Variants in EPHA6 observed in about 807,000 individuals in gnomAD.
EPHA6 encodes the protein EPH receptor A6.
EPHA6 carries 50 observed loss-of-function variants against 112.0 expected under a neutral mutation model. That is an observed-to-expected ratio of 0.45 (90% CI 0.36 to 0.56). The LOEUF (loss-of-function observed/expected upper bound fraction) is 0.56. EPHA6 is among the 20% of genes least tolerant of loss of function. The probability of loss-of-function intolerance (pLI) is 0.00; values close to 1 mark genes in which losing one functional copy is unlikely to be tolerated. For missense variants in EPHA6, 1,280 were observed against 1,417.4 expected (o/e 0.90, Z 1.56); for synonymous variants, 529 against 490.7 (o/e 1.08, Z -1.03).
At chr3:97,396,395 A>G (rs2086696357) in intron 5 of EPHA6, among the ~76,000 whole-genome samples, 1 of 150,288 alleles carries the variant, frequency 6.7e-6, no homozygotes, top group Non-Finnish European at 1.5e-5. Flanking sequence ...TATAACCCAT[A>G]TCATAAGTAT....
intron 10 of EPHA6, among the ~76,000 whole-genome samples, chr3:97,514,281 T>G (rs1274620768): frequency 6.6e-6 from 1 of 152,124 alleles, no homozygotes; most frequent in Non-Finnish European, 1.5e-5. Context: ...AAGTCATCAG[T>G]ATAGTATCTT....
chr3:97,507,692 G>A (rs566347367), intron 10 of EPHA6, among the ~76,000 whole-genome samples: 1 of 152,246 alleles, frequency 6.6e-6, no homozygotes, highest in East Asian at 1.9e-4. Flanking sequence ...ACTTAGGGAG[G>A]AGTCCCTCTT....
rs1441600234 is a variant in EPHA6 at position 97,498,606 on chromosome 3, G to GGATCCC, written c.2200+14547_2200+14548insGATCCC. Among the ~76,000 whole-genome samples, 166 of 152,300 alleles carry GGATCCC rather than the reference G, an allele frequency of 1.1e-3. 2 individuals carry two copies. The highest frequency in any genetic ancestry group is 2.2e-3 in the Non-Finnish European group (147 of 68,014). ...GCCTGGTAAGGGTCACTTGTTGGTT[G>GGATCCC]ATGGAACAAATGTTTATAGTACTGG... On this transcript the variant is annotated intron_variant, in intron 10 of 17. Transcript: ENST00000389672.
At chr3:97,725,465 T>G (rs1419571047) in intron 15 of EPHA6, among the ~76,000 whole-genome samples, 2 of 152,144 alleles carry the variant, frequency 1.3e-5, no homozygotes, top group Non-Finnish European at 2.9e-5. Flanking sequence ...CCCAAAGCAA[T>G]GCAGTTGTGC....
At chr3:96,817,190 C>T (rs545297225) in intron 1 of EPHA6, among the ~76,000 whole-genome samples, 2 of 151,910 alleles carry the variant, frequency 1.3e-5, no homozygotes, top group South Asian at 2.1e-4. Flanking sequence ...TTTTATCAGA[C>T]ACAAATTATT....
At chr3:97,518,213 A>G (rs183302392) in intron 10 of EPHA6, among the ~76,000 whole-genome samples, 33 of 152,296 alleles carry the variant, frequency 2.2e-4, no homozygotes, top group Non-Finnish European at 3.8e-4. Context: ...CCAACAGTGC[A>G]CAAGGTTTTC....
intron 5 of EPHA6, among the ~76,000 whole-genome samples, chr3:97,390,152 GAC>G (rs1310865848): frequency 6.6e-6 from 1 of 152,102 alleles, no homozygotes; most frequent in African/African-American, 2.4e-5. Flanking sequence ...CTACTTGTCT[GAC>G]ACAAAGACTA....
chr3:97,694,332 G>A (rs765133093), intron 14 of EPHA6, among the ~76,000 whole-genome samples: 4 of 151,908 alleles, frequency 2.6e-5, no homozygotes, highest in South Asian at 2.1e-4. Context: ...TGCCTCCCAG[G>A]TTCCAGCAAT....
chr3:97,497,985 G>T (rs2092023310), intron 10 of EPHA6, among the ~76,000 whole-genome samples: 1 of 152,018 alleles, frequency 6.6e-6, no homozygotes, highest in African/African-American at 2.4e-5. Context: ...ACAAGTCTCA[G>T]GTTTTTTACC....
At chr3:96,998,796 G>A (rs2043519826) in intron 3 of EPHA6, among the ~76,000 whole-genome samples, 1 of 151,654 alleles carries the variant, frequency 6.6e-6, no homozygotes, top group South Asian at 2.1e-4. Flanking sequence ...CTTTTATTCT[G>A]TATTTCTAGA....
intron 3 of EPHA6, among the ~76,000 whole-genome samples, chr3:97,000,909 A>G (rs1238022544): frequency 6.6e-6 from 1 of 151,024 alleles, no homozygotes; most frequent in Non-Finnish European, 1.5e-5. Context: ...ACATTTCTTT[A>G]CAGCCTTCCT....
At chr3:97,053,639 A>G (rs1033887644) in intron 3 of EPHA6, among the ~76,000 whole-genome samples, 1 of 152,100 alleles carries the variant, frequency 6.6e-6, no homozygotes, top group African/African-American at 2.4e-5. Context: ...AATATGAGCC[A>G]CTGAGTCCTA....
At chr3:97,106,610 C>A (rs941755608) in intron 3 of EPHA6, among the ~76,000 whole-genome samples, 1 of 152,030 alleles carries the variant, frequency 6.6e-6, no homozygotes, top group African/African-American at 2.4e-5. Flanking sequence ...CTAATTCTTC[C>A]GGTACACCAA....
At chr3:96,847,017 G>A (rs2035110648) in intron 1 of EPHA6, among the ~76,000 whole-genome samples, 1 of 152,142 alleles carries the variant, frequency 6.6e-6, no homozygotes, top group South Asian at 2.1e-4. Flanking sequence ...CCTGGATGCT[G>A]GTTGAGCTCT....
chr3:97,108,045 C>G (rs1166506101), intron 3 of EPHA6, among the ~76,000 whole-genome samples: 1 of 152,076 alleles, frequency 6.6e-6, no homozygotes, highest in East Asian at 1.9e-4. Context: ...GTTTGGCCTC[C>G]TTCAAAACAT....
chr3:97,037,740 A>G (rs1316321518), intron 3 of EPHA6, among the ~76,000 whole-genome samples: 1 of 152,092 alleles, frequency 6.6e-6, no homozygotes, highest in East Asian at 1.9e-4. Context: ...GACACGTCAT[A>G]CTGGACAGAA....
intron 6 of EPHA6, among the ~76,000 whole-genome samples, chr3:97,428,660 C>T (rs2089308442): frequency 6.6e-6 from 1 of 152,082 alleles, no homozygotes; most frequent in East Asian, 1.9e-4. Context: ...CCCTCAGTGG[C>T]GACGAGGAGA....
intron 14 of EPHA6, among the ~76,000 whole-genome samples, chr3:97,713,577 G>C (rs527609000): frequency 1.8e-4 from 27 of 152,210 alleles, no homozygotes; most frequent in Admixed American, 9.2e-4. Context: ...GGGTAAGAGT[G>C]TTTTTAATCT....
intron 14 of EPHA6, among the ~76,000 whole-genome samples, chr3:97,676,511 CTCTT>C (rs1480364075): frequency 6.6e-6 from 1 of 152,124 alleles, no homozygotes; most frequent in African/African-American, 2.4e-5. Context: ...GTATAAATAA[CTCTT>C]TCAAAGAATT....
Sources: allele counts gnomAD v4.1 joint callset (sites outside exome capture counted in the v4.1 genomes callset), GRCh38; gene constraint gnomAD v4.1.1; transcripts MANE v1.5; gene names NCBI Gene and HGNC (gene_info 2026-07-23, HGNC 2026-07-21).